PACRG: variants seen among roughly 807,000 people sequenced by gnomAD.
PACRG encodes parkin coregulated, also known as parkin coregulated gene protein.
A neutral mutation model predicts 29.7 loss-of-function variants in PACRG; 29 were observed. The observed-to-expected ratio is 0.98, with a 90% CI of 0.73 to 1.33. The LOEUF is 1.33. PACRG is among the 40% of genes most tolerant of loss of function. PACRG has a pLI of 0.00. For synonymous variants in PACRG, 116 were observed against 118.7 expected (o/e 0.98, Z 0.15); for missense variants, 279 against 316.2 (o/e 0.88, Z 0.89).
chr6:162,935,948 G>T (rs1454818835), intron 2 of PACRG, among the ~76,000 whole-genome samples: 1 of 152,144 alleles, frequency 6.6e-6, no homozygotes, highest in Non-Finnish European at 1.5e-5. Flanking sequence ...CACCAGTGCT[G>T]TATTAGTCTA....
rs1020025416 is a variant in PACRG at position 163,046,392 on chromosome 6, T to G, written c.292-15758T>G. ...TCTTACTTAACTTTTTGTGATTGTA[T>G]GATTGTCCTCTTCAGAGAATAGAAA... is the stretch of plus-strand genomic sequence containing the variant. On this transcript the variant is annotated intron_variant, in intron 2 of 4. Transcript: ENST00000366888. 2.5e-4 allele frequency among the ~76,000 whole-genome samples: 38 copies of G among 150,338 alleles called. 2 individuals carry two copies. The highest frequency in any genetic ancestry group is 9.2e-4 in the African/African-American group (38 of 41,238).
At position 163,042,257 on chromosome 6, in the gene PACRG, A is replaced by T. The variant is rs77456885; in HGVS notation, c.292-19893A>T. ...AAGGGCAGCAGGGCACAAAGTCCAG[A>T]GAGCCAGGAGCAAGGGGAATTGGTG... On this transcript the variant is annotated intron_variant, in intron 2 of 4. Transcript: ENST00000366888. 5.8e-3 allele frequency among the ~76,000 whole-genome samples: 889 copies of T among 152,336 alleles called. 4 individuals are homozygous for T. The highest frequency in any genetic ancestry group is 0.015 in the African/African-American group (606 of 41,570).
chr6:162,839,506 T>C (rs1399589822), intron 2 of PACRG, among the ~76,000 whole-genome samples: 2 of 151,234 alleles, frequency 1.3e-5, no homozygotes, highest in African/African-American at 2.4e-5. Context: ...CTTTGTCAGA[T>C]GAGTAGGTTG....
At chr6:163,297,981 C>T (rs1000625384) in intron 4 of PACRG, among the ~76,000 whole-genome samples, 3 of 152,168 alleles carry the variant, frequency 2.0e-5, no homozygotes, top group South Asian at 2.1e-4. Flanking sequence ...TCCAATTCTT[C>T]GGTGCCCAAG....
At chr6:163,188,546 T>C (rs1237164019) in intron 4 of PACRG, among the ~76,000 whole-genome samples, 3 of 152,142 alleles carry the variant, frequency 2.0e-5, no homozygotes, top group Non-Finnish European at 4.4e-5. Context: ...TCTTGGGAAA[T>C]AGAGGTCACA....
chr6:162,745,963 A>C (rs1327159676), intron 1 of PACRG, among the ~76,000 whole-genome samples: 8 of 152,162 alleles, frequency 5.3e-5, no homozygotes, highest in Non-Finnish European at 1.2e-4. Flanking sequence ...ATGTTGTATA[A>C]ATAATAATTT....
At chr6:162,925,785 T>C (rs9458669) in intron 2 of PACRG, among the ~76,000 whole-genome samples, 103,597 of 151,910 alleles carry the variant, frequency 0.68, 35,486 homozygotes, top group East Asian at 0.8. Flanking sequence ...TCCTATTCAA[T>C]ATAGTATTGG....
chr6:162,790,203 A>G (rs1784824558), intron 1 of PACRG, among the ~76,000 whole-genome samples: 1 of 152,228 alleles, frequency 6.6e-6, no homozygotes, highest in African/African-American at 2.4e-5. Context: ...TGTTGGCATG[A>G]ATGCAGCGTG....
At chr6:163,262,813 G>A (rs967598403) in intron 4 of PACRG, among the ~76,000 whole-genome samples, 4 of 151,636 alleles carry the variant, frequency 2.6e-5, no homozygotes, top group East Asian at 1.9e-4. Flanking sequence ...AGGCTGAGGC[G>A]GGAGGATCAC....
chr6:163,030,951 G>A (rs1807603976), intron 2 of PACRG, among the ~76,000 whole-genome samples: 2 of 152,152 alleles, frequency 1.3e-5, no homozygotes, highest in Admixed American at 1.3e-4. Context: ...ATCTCATCCT[G>A]TGACTTAGAA....
rs867653285 is a variant in PACRG at position 163,131,672 on chromosome 6, T to G, written c.613+42264T>G. The stretch of plus-strand genomic sequence containing the variant: ...AACTAACATGGCAGCTGTTGAATGT[T>G]AAGAGCCCTCAGCTGTGAATCGGAG... On this transcript the variant is annotated intron_variant, in intron 4 of 4. Coordinates refer to ENST00000366888, the MANE Select transcript of PACRG (RefSeq NM_001080379.2). Among the ~76,000 whole-genome samples the G allele has an allele frequency of 3.2e-4, 49 of 152,250 alleles. 1 individual carries two copies. The highest frequency in any genetic ancestry group is 1.7e-3 in the South Asian group (8 of 4,818).
At chr6:162,901,325 T>C (rs887183798) in intron 2 of PACRG, among the ~76,000 whole-genome samples, 3 of 152,172 alleles carry the variant, frequency 2.0e-5, no homozygotes, top group African/African-American at 7.2e-5. Context: ...TTACTACAGT[T>C]TTTCCCAAAT....
At chr6:163,065,946 G>A (rs1173742559) in intron 3 of PACRG, among the ~76,000 whole-genome samples, 1 of 152,166 alleles carries the variant, frequency 6.6e-6, no homozygotes, top group Non-Finnish European at 1.5e-5. Flanking sequence ...GGAGGACATA[G>A]AACACAAAAG....
At chr6:163,172,161 T>C (rs1476179893) in intron 4 of PACRG, among the ~76,000 whole-genome samples, 1 of 152,256 alleles carries the variant, frequency 6.6e-6, no homozygotes, top group Non-Finnish European at 1.5e-5. Context: ...CAAGGCCAAG[T>C]GCCTCTTGGT....
chr6:163,105,997 G>C (rs897051798), intron 4 of PACRG, among the ~76,000 whole-genome samples: 21 of 152,074 alleles, frequency 1.4e-4, no homozygotes, highest in Non-Finnish European at 2.8e-4. Flanking sequence ...TGTGTTAACT[G>C]TCTTAAAAAT....
At chr6:163,196,921 AGACAGATAGATAGATAGATAGATAGAT>A (rs1780478619) in intron 4 of PACRG, among the ~76,000 whole-genome samples, 2 of 127,190 alleles carry the variant, frequency 1.6e-5, no homozygotes, top group South Asian at 5.6e-4. Flanking sequence ...CAGACAGACT[AGACAGATAGATAGATAGATAGATAGAT>A]AGATAGATAG....
chr6:162,978,915 C>T (rs1238822260), intron 2 of PACRG, among the ~76,000 whole-genome samples: 1 of 152,108 alleles, frequency 6.6e-6, no homozygotes, highest in African/African-American at 2.4e-5. Context: ...GGATGAAACA[C>T]TTTTCCCGGA....
At chr6:162,993,186 G>T (rs9458706) in intron 2 of PACRG, among the ~76,000 whole-genome samples, 6,669 of 151,674 alleles carry the variant, frequency 0.044, 420 homozygotes, top group African/African-American at 0.15. Flanking sequence ...TAGAATAGGT[G>T]TGGTGTGGTG....
intron 2 of PACRG, among the ~76,000 whole-genome samples, chr6:163,011,188 A>G (rs949791156): frequency 3.3e-5 from 5 of 152,180 alleles, no homozygotes; most frequent in African/African-American, 1.2e-4. Flanking sequence ...TGCTGCAGTC[A>G]TGCGACACTT....
Sources: gnomAD v4.1 joint callset for allele counts (sites outside exome capture counted in the v4.1 genomes callset) on GRCh38, gnomAD v4.1.1 for gene constraint, MANE v1.5 for transcripts, NCBI Gene and HGNC (gene_info 2026-07-23, HGNC 2026-07-21) for gene names.